Variants in UGT2B7 observed in about 807,000 individuals in gnomAD.
UGT2B7 encodes the protein UDP glucuronosyltransferase family 2 member B7.
A neutral mutation model predicts 51.9 loss-of-function variants in UGT2B7; 51 were observed. That is an observed-to-expected ratio of 0.98 (90% CI 0.78 to 1.24). The LOEUF (loss-of-function observed/expected upper bound fraction) is 1.24. Ranked by LOEUF, UGT2B7 falls within the 50% of genes most tolerant of loss-of-function variation. The pLI is 0.00. For synonymous variants in UGT2B7, 225 were observed against 211.6 expected, an observed-to-expected ratio of 1.06 and a Z score of -0.55; for missense variants, 727 against 628.4, an observed-to-expected ratio of 1.16 and a Z score of -1.68.
Position 69,112,453 on chromosome 4 carries a change from T to C in UGT2B7, c.1311-4T>C, listed in dbSNP as rs1719801320. On this transcript the variant is annotated splice_region_variant and splice_polypyrimidine_tract_variant and intron_variant, in intron 5 of 5. Transcript: ENST00000305231. ...ACATTACTGTCTTTATTTTTATCTT[T>C]CAGATATAAAGAGAATGTTATGAAA... is the stretch of plus-strand genomic sequence containing the variant. The C allele has an allele frequency of 6.2e-7, 1 of 1,610,886 alleles. No individual in the cohort carries two copies.
At chr4:69,112,365 C>A in intron 5 of UGT2B7, 92 bp from the exon 6 acceptor site, 1 of 1,492,296 alleles carries the variant, frequency 6.7e-7, no homozygotes, top group Non-Finnish European at 9.0e-7. Context: ...TGCTCCCAGC[C>A]GAATAAAACC....
chr4:69,103,458 G>T (rs554447773), intron 3 of UGT2B7, among the ~76,000 whole-genome samples: 1 of 152,156 alleles, frequency 6.6e-6, no homozygotes, highest in East Asian at 1.9e-4. Flanking sequence ...TTCACAAAAG[G>T]CAACTTGAGA....
intron 1 of UGT2B7, among the ~76,000 whole-genome samples, chr4:69,083,829 G>T (rs11932131): frequency 0.58 from 87,572 of 151,764 alleles, 26,267 homozygotes; most frequent in African/African-American, 0.71. Context: ...TATGCAGAGA[G>T]GGATAATTTG....
chr4:69,065,568 T>C (rs1718464118), intron 1 of UGT2B7, among the ~76,000 whole-genome samples: 1 of 152,166 alleles, frequency 6.6e-6, no homozygotes, highest in Admixed American at 6.5e-5. Context: ...ATGTGAAAAA[T>C]ATCACTTAAA....
At chr4:69,098,968 T>G (rs919365747) in intron 2 of UGT2B7, among the ~76,000 whole-genome samples, 1 of 151,902 alleles carries the variant, frequency 6.6e-6, no homozygotes, top group Non-Finnish European at 1.5e-5. Flanking sequence ...GTATTGGTCA[T>G]CCAATCAAAT....
chr4:69,096,838 G>C lies in UGT2B7; in HGVS notation c.318G>C (p.Trp106Cys). 1 of 1,613,690 alleles carries C rather than the reference G, an allele frequency of 6.2e-7. No homozygotes were observed. The highest frequency in any genetic ancestry group is 1.7e-5 in the Admixed American group (1 of 59,902). ...CAGACCTTCCAAAAGATACATTTTG[G>C]TTATATTTTTCACAAGTACAGGAAA... ...RWSDLPKDTF[W>C]LYFSQVQEIM... Residue 106 changes from tryptophan to cysteine, a missense_variant, in exon 1 of 6, where the codon TGG (tryptophan) becomes TGC (cysteine). Trp to Cys is a radical substitution (Grantham distance 215). Transcript: ENST00000305231.
intron 1 of UGT2B7, among the ~76,000 whole-genome samples, chr4:69,059,073 T>C (rs963599879): frequency 2.6e-5 from 4 of 152,224 alleles, no homozygotes; most frequent in African/African-American, 9.6e-5. Flanking sequence ...GGCACTGATC[T>C]GATCAGACTG....
intron 1 of UGT2B7, among the ~76,000 whole-genome samples, chr4:69,076,992 T>TGCATATGGCTAGCCAGTTTTCC (rs1718721266): frequency 6.6e-6 from 1 of 152,332 alleles, no homozygotes; most frequent in Middle Eastern, 3.4e-3. Flanking sequence ...TTCAGTTTTC[T>TGCATATGGCTAGCCAGTTTTCC]GCATATGGCT....
chr4:69,083,931 A>G (rs948195197), intron 1 of UGT2B7, among the ~76,000 whole-genome samples: 1 of 152,102 alleles, frequency 6.6e-6, no homozygotes, highest in Non-Finnish European at 1.5e-5. Context: ...AAGAGTGGTC[A>G]ACGTGGACAT....
chr4:69,072,056 C>A (rs1237374225), intron 1 of UGT2B7, among the ~76,000 whole-genome samples: 1 of 152,024 alleles, frequency 6.6e-6, no homozygotes, highest in African/African-American at 2.4e-5. Flanking sequence ...AGAATACTTT[C>A]ATTTGTTTTA....
intron 2 of UGT2B7, among the ~76,000 whole-genome samples, chr4:69,101,963 A>G (rs1314401147): frequency 1.3e-5 from 2 of 152,180 alleles, no homozygotes; most frequent in African/African-American, 4.8e-5. Context: ...CAAAGTGATG[A>G]TGAGAGTTCC....
chr4:69,093,484 G>A (rs1026763149), upstream of UGT2B7, among the ~76,000 whole-genome samples: 3 of 152,148 alleles, frequency 2.0e-5, no homozygotes, highest in African/African-American at 7.2e-5. Flanking sequence ...TCACTGCTCA[G>A]CCCCCTGAAT....
intron 1 of UGT2B7, among the ~76,000 whole-genome samples, chr4:69,097,525 T>C (rs922157142): frequency 4.6e-5 from 7 of 152,140 alleles, no homozygotes; most frequent in African/African-American, 1.7e-4. Context: ...TGTTTTACTA[T>C]ACATTGTTTT....
intron 5 of UGT2B7, among the ~76,000 whole-genome samples, chr4:69,110,444 T>C (rs1719738855): frequency 1.4e-5 from 2 of 146,154 alleles, no homozygotes; most frequent in African/African-American, 5.2e-5. Context: ...CCAACAGATA[T>C]GTATAAATAA....
chr4:69,083,335 T>C (rs1460498624), intron 1 of UGT2B7, among the ~76,000 whole-genome samples: 1 of 152,120 alleles, frequency 6.6e-6, no homozygotes, highest in Non-Finnish European at 1.5e-5. Flanking sequence ...GCTATTGTTG[T>C]CTTAGATTGT....
At chr4:69,058,916 C>T (rs1003842977) in intron 1 of UGT2B7, among the ~76,000 whole-genome samples, 2 of 152,100 alleles carry the variant, frequency 1.3e-5, no homozygotes, top group South Asian at 2.1e-4. Context: ...TGAGAGCAGG[C>T]CCAGGTTGGA....
chr4:69,076,462 A>G (rs1459819751), intron 1 of UGT2B7, among the ~76,000 whole-genome samples: 1 of 152,136 alleles, frequency 6.6e-6, no homozygotes, highest in East Asian at 1.9e-4. Context: ...GTGACTTTTT[A>G]ATGATCACCA....
intron 1 of UGT2B7, among the ~76,000 whole-genome samples, chr4:69,085,350 G>C (rs867000598): frequency 6.6e-6 from 1 of 152,090 alleles, no homozygotes; most frequent in South Asian, 2.1e-4. Context: ...CTGTTTTGTA[G>C]ATTCTGGATA....
rs893122227 is a variant in UGT2B7 at position 69,069,078 on chromosome 4, T to A, written c.-159+17476T>A. On this transcript the variant is annotated intron_variant, in intron 1 of 5. Coordinates refer to the UGT2B7 transcript ENST00000502942. ...GATTCTTAGTCATTCAATTTAACAA[T>A]AAAAAAACTTGGAACAGATACTTTA... Among the ~76,000 whole-genome samples the A allele has an allele frequency of 2.1e-3, 270 of 130,946 alleles. 2 individuals are homozygous for A. Among genetic ancestry groups the A allele is most frequent in the African/African-American group, 7.3e-3 (256 of 35,294 alleles). 85.9% of individuals were successfully genotyped at this position (130,946 alleles called of 152,430 possible).
Sources: gnomAD v4.1 joint callset for allele counts (sites outside exome capture counted in the v4.1 genomes callset) on GRCh38, gnomAD v4.1.1 for gene constraint, MANE v1.5 for transcripts, NCBI Gene and HGNC (gene_info 2026-07-23, HGNC 2026-07-21) for gene names.